Variants in NAXD observed in about 807,000 individuals in gnomAD.
NAXD encodes ATP-dependent (S)-NAD(P)H-hydrate dehydratase.
NAXD carries 22 observed loss-of-function variants against 35.8 expected under a neutral mutation model. That is an observed-to-expected ratio of 0.62 (90% CI 0.44 to 0.88). The LOEUF (loss-of-function observed/expected upper bound fraction) is 0.88. Among genes scored for constraint, NAXD ranks in the 40% least tolerant of loss-of-function variants. NAXD has a pLI of 0.00. For missense variants in NAXD, 428 were observed against 437.7 expected (o/e 0.98, Z 0.20); for synonymous variants, 189 against 177.6 (o/e 1.06, Z -0.51).
intron 1 of NAXD, 160 bp downstream of exon 1, chr13:110,615,807 C>CG (rs777698975): frequency 2.9e-5 from 38 of 1,295,456 alleles, no homozygotes; most frequent in East Asian, 2.5e-4. Context: ...TGCTGGCTCG[C>CG]GGGGGGGAAG....
In NAXD at chr13:110,638,247, T is replaced by C. The variant is rs1188928530; in HGVS notation, c.840-131T>C. ...TAAACCTGCTTTCTCCTCAGGGGCA[T>C]ATCAGACTTGAAATTGACAATTTGG... On this transcript the variant is annotated intron_variant, in intron 9 of 9. Coordinates refer to ENST00000680254, the MANE Select transcript of NAXD (RefSeq NM_001242882.2). This position sits in a 1 kb window ranked among gnomAD's most constrained non-coding sequence, Gnocchi z 5.4. The C allele has an allele frequency of 6.4e-7, 1 of 1,568,516 alleles. No homozygotes were observed.
chr13:110,615,655 C>A lies in NAXD; in HGVS notation c.46+8C>A. The stretch of plus-strand genomic sequence containing the variant: ...TCCGGGCTTGCAGACGAGGTAAGGT[C>A]GATTCCATTTGGCCCGGGGATGGTC... On this transcript the variant is annotated splice_region_variant and intron_variant, in intron 1 of 9. Coordinates refer to ENST00000680254, the MANE Select transcript of NAXD (RefSeq NM_001242882.2). 2 of 1,510,554 alleles carry A rather than the reference C, an allele frequency of 1.3e-6. No homozygotes were observed. The highest frequency in any genetic ancestry group is 8.8e-7 in the Non-Finnish European group (1 of 1,134,912). The allele number at this position is 1,510,554 out of a possible 1,614,324, so 93.6% of individuals were successfully genotyped here. A position where few individuals can be genotyped will look rare whatever the true frequency, so the allele number is the denominator to read the frequency against.
Position 110,638,122 on chromosome 13 carries a change from C to T in NAXD, c.840-256C>T. ...GCTTTCCCCGGGAACACCTGGCCCACTGTGTGCCCTAGCCCTGGACCTGTC... is the reference window on the plus strand; with the variant it reads ...GCTTTCCCCGGGAACACCTGGCCCATTGTGTGCCCTAGCCCTGGACCTGTC... On this transcript the variant is annotated intron_variant, in intron 9 of 9. Transcript: ENST00000680254. The surrounding 1 kb of genome is among the most constrained non-coding windows in gnomAD (Gnocchi z 5.4). The T allele has an allele frequency of 9.8e-7, 1 of 1,017,752 alleles. No individual in the cohort carries two copies. The highest frequency in any genetic ancestry group is 1.5e-6 in the Non-Finnish European group (1 of 681,878). 63.0% of individuals were successfully genotyped at this position (1,017,752 alleles called of 1,614,324 possible). A position where few individuals can be genotyped will look rare whatever the true frequency, so the allele number is the denominator to read the frequency against.
At chr13:110,619,329 T>A (rs975269635) in intron 1 of NAXD, among the ~76,000 whole-genome samples, 1 of 152,212 alleles carries the variant, frequency 6.6e-6, no homozygotes, top group Non-Finnish European at 1.5e-5. Flanking sequence ...GAAAGAAGCC[T>A]CCTGGAAAAT....
intron 5 of NAXD, among the ~76,000 whole-genome samples, chr13:110,632,175 A>C (rs910298636): frequency 2.9e-5 from 4 of 138,030 alleles, no homozygotes; most frequent in Admixed American, 8.1e-5. Context: ...TCTCTGTCTC[A>C]GGAGTGAGGC....
At chr13:110,620,623 G>A (rs1280951454) in intron 1 of NAXD, among the ~76,000 whole-genome samples, 1 of 151,660 alleles carries the variant, frequency 6.6e-6, no homozygotes, top group Non-Finnish European at 1.5e-5. Flanking sequence ...GGATTCATAG[G>A]ATCTTTTTAT....
chr13:110,637,670 C>T, intron 9 of NAXD: 3 of 424,888 alleles, frequency 7.1e-6, no homozygotes, highest in South Asian at 3.3e-5. Context: ...GACCAGGGCC[C>T]TTGGCCCAGT....
At chr13:110,621,740 T>C (rs1303317346) in intron 1 of NAXD, among the ~76,000 whole-genome samples, 6 of 149,732 alleles carry the variant, frequency 4.0e-5, no homozygotes. Flanking sequence ...GTTAATTACA[T>C]GTGTTCAGGC....
intron 1 of NAXD, among the ~76,000 whole-genome samples, chr13:110,621,887 A>T (rs911229691): frequency 1.3e-5 from 2 of 151,608 alleles, no homozygotes; most frequent in African/African-American, 4.9e-5. Context: ...AAAATTAGCC[A>T]GGTGTGGTAG....
intron 1 of NAXD, among the ~76,000 whole-genome samples, chr13:110,618,270 C>CA (rs1886132624): frequency 1.4e-5 from 2 of 139,394 alleles, no homozygotes; most frequent in Non-Finnish European, 3.0e-5. Context: ...TTCTGGATGG[C>CA]GCTTCTTGTT....
intron 5 of NAXD, among the ~76,000 whole-genome samples, chr13:110,633,771 A>G (rs1886813441): frequency 6.6e-6 from 1 of 150,888 alleles, no homozygotes; most frequent in South Asian, 2.1e-4. Context: ...TTTTTTTTTT[A>G]ATAGAAAACC....
upstream of NAXD, chr13:110,615,506 A>T (rs1594163444): frequency 4.1e-6 from 5 of 1,205,268 alleles, no homozygotes; most frequent in East Asian, 1.3e-4. Context: ...CACTGCCGAC[A>T]GCCGCGCGGA....
chr13:110,624,682 G>A (rs1192895688), intron 3 of NAXD, among the ~76,000 whole-genome samples: 2 of 152,158 alleles, frequency 1.3e-5, no homozygotes, highest in South Asian at 2.1e-4. Context: ...GGCTGGTCTC[G>A]AACTCCTGAC....
At position 110,637,190 on chromosome 13, in the gene NAXD, G is replaced by A. The variant is rs199637796; in HGVS notation, c.780G>A (p.Ser260=). 25 of 1,614,020 alleles carry A rather than the reference G, an allele frequency of 1.5e-5. No individual in the cohort carries two copies. The highest frequency in any genetic ancestry group is 3.3e-5 in the South Asian group (3 of 91,084). The change falls in exon 9 of 10, where the codon TCG becomes TCA. Residue 260 remains serine (S), a synonymous_variant. Coordinates refer to ENST00000680254, the MANE Select transcript of NAXD (RefSeq NM_001242882.2). ...GTGGAGGGCAAGGGGACCTCCTGTC[G>A]GGCTCCCTGGGCGTCCTGGTACACT... The part of the protein sequence containing the change: ...RRCGGQGDLL[S]GSLGVLVHWA...
At chr13:110,637,375 G>T in intron 9 of NAXD, 126 bp downstream of exon 9, 1 of 1,170,760 alleles carries the variant, frequency 8.5e-7, no homozygotes. Context: ...TCACTGGAGA[G>T]ATCTCGGCAC....
chr13:110,616,541 C>G (rs1430390123), intron 1 of NAXD, among the ~76,000 whole-genome samples: 1 of 152,240 alleles, frequency 6.6e-6, no homozygotes, highest in Non-Finnish European at 1.5e-5. Context: ...TCCTTGCACG[C>G]TGAGATGCCT....
chr13:110,635,623 G>A (rs368644469), intron 8 of NAXD, 35 bp downstream of exon 8: 43 of 1,608,902 alleles, frequency 2.7e-5, no homozygotes, highest in South Asian at 2.3e-4. Flanking sequence ...ATGGGCCAGT[G>A]CCAGGTCAGT....
chr13:110,634,699 C>G lies in NAXD; in HGVS notation c.520C>G (p.Pro174Ala). ...TGGCCTGTGGCTGGTCGCTCAGCAG[C>G]CGGCCCTCATCCATGGCTACCGGAA... Reference protein sequence around the residue: ...ADGLWLVAQQPALIHGYRKAV... With the variant: ...ADGLWLVAQQAALIHGYRKAV... The change falls in exon 7 of 10, where the codon CCG (proline) becomes GCG (alanine). Residue 174 changes from proline to alanine, a missense_variant. Physicochemically the swap from Pro to Ala is conservative, Grantham distance 27 (BLOSUM62 -1). Transcript: ENST00000680254. 1 of 1,614,184 alleles carries G rather than the reference C, an allele frequency of 6.2e-7. No individual in the cohort carries two copies. The highest frequency in any genetic ancestry group is 8.5e-7 in the Non-Finnish European group (1 of 1,180,040).
chr13:110,638,328 G>C lies in NAXD; in HGVS notation c.840-50G>C. ...AGAGCCCAGGGTAGCTGCGGCCCCC[G>C]GACCACGACGCCCACTTCCCCACAC... On this transcript the variant is annotated intron_variant, in intron 9 of 9. Coordinates refer to ENST00000680254, the MANE Select transcript of NAXD (RefSeq NM_001242882.2). This position sits in a 1 kb window ranked among gnomAD's most constrained non-coding sequence, Gnocchi z 5.4. 6.2e-7 allele frequency: 1 copy of C among 1,613,208 alleles called. No individual in the cohort carries two copies. The highest frequency in any genetic ancestry group is 2.2e-5 in the East Asian group (1 of 44,858).
Sources: allele counts gnomAD v4.1 joint callset (sites outside exome capture counted in the v4.1 genomes callset), GRCh38; gene constraint gnomAD v4.1.1; non-coding constraint Gnocchi (gnomAD v3.1); transcripts MANE v1.5; gene names NCBI Gene and HGNC (gene_info 2026-07-23, HGNC 2026-07-21).